NPHP1: variants seen among roughly 807,000 people sequenced by gnomAD.
The protein encoded by NPHP1 is nephrocystin-1.
NPHP1 carries 70 observed loss-of-function variants against 90.4 expected under a neutral mutation model. The observed-to-expected ratio is 0.77, with a 90% confidence interval of 0.64 to 0.95. The LOEUF is 0.95. NPHP1 is among the 40% of genes least tolerant of loss of function. The pLI is 0.00. For missense variants in NPHP1, 764 were observed against 795.9 expected, an observed-to-expected ratio of 0.96 and a Z score of 0.48; for synonymous variants, 256 against 271.7, an observed-to-expected ratio of 0.94 and a Z score of 0.57.
At position 110,123,795 on chromosome 2, in the gene NPHP1, A is replaced by G. The variant is rs1679143250; in HGVS notation, c.2030T>C (p.Val677Ala). The G allele has an allele frequency of 6.2e-7, 1 of 1,613,862 alleles. No homozygotes were observed. The highest frequency in any genetic ancestry group is 1.3e-5 in the African/African-American group (1 of 74,930). ...GAGGGCTAGAGGCTGCCACTGTCAC[A>G]CTGCATTCTTTCTCATTTCACCCAA... ...DFLGEMRKNAV is the reference protein window; with the variant it reads ...DFLGEMRKNAA Residue 677 changes from valine to alanine, a missense_variant, in exon 20 of 20, where the codon GTG (valine) becomes GCG (alanine). Coordinates refer to ENST00000445609, the MANE Select transcript of NPHP1 (RefSeq NM_001128178.3).
chr2:110,133,596 C>T (rs548035658), intron 16 of NPHP1, among the ~76,000 whole-genome samples: 1 of 152,058 alleles, frequency 6.6e-6, no homozygotes, highest in Non-Finnish European at 1.5e-5. Context: ...CTCAAGTGCA[C>T]ATGACATATT....
At chr2:110,170,965 C>T (rs537756975) in intron 4 of NPHP1, among the ~76,000 whole-genome samples, 2 of 151,988 alleles carry the variant, frequency 1.3e-5, no homozygotes, top group Non-Finnish European at 2.9e-5. Context: ...GTGAGCTTTA[C>T]CTTTAAAGTC....
At chr2:110,137,104 GA>G (rs1334936440) in intron 16 of NPHP1, among the ~76,000 whole-genome samples, 1 of 152,068 alleles carries the variant, frequency 6.6e-6, no homozygotes, top group Non-Finnish European at 1.5e-5. Context: ...ATGGTGCTGG[GA>G]AAACTGGCTA....
intron 4 of NPHP1, 66 bp downstream of exon 4, chr2:110,178,357 T>G: frequency 6.7e-7 from 1 of 1,487,972 alleles, no homozygotes. Context: ...GTCTTTGAGT[T>G]AAACATTAAA....
chr2:110,146,856 A>G (rs1322359799), intron 13 of NPHP1, 21 bp from the exon 14 acceptor site: 5 of 1,579,248 alleles, frequency 3.2e-6, no homozygotes, highest in South Asian at 1.1e-5. Flanking sequence ...AGACAAGTAT[A>G]TGAAACTTAA....
intron 11 of NPHP1, among the ~76,000 whole-genome samples, chr2:110,152,933 G>T (rs1681600975): frequency 6.6e-6 from 1 of 151,784 alleles, no homozygotes; most frequent in Non-Finnish European, 1.5e-5. Context: ...CCCCAAATTT[G>T]ACAAAAGACA....
At chr2:110,131,616 A>C in intron 17 of NPHP1, 63 bp downstream of exon 17, 1 of 925,322 alleles carries the variant, frequency 1.1e-6, no homozygotes, top group Non-Finnish European at 1.8e-6. Context: ...AAGATGGTAT[A>C]GGTTACCTTT....
At chr2:110,190,283 G>A (rs1288488259) in intron 2 of NPHP1, among the ~76,000 whole-genome samples, 3 of 152,132 alleles carry the variant, frequency 2.0e-5, no homozygotes, top group Non-Finnish European at 2.9e-5. Flanking sequence ...TGGAGCAGGG[G>A]GTGGCACTTG....
chr2:110,158,184 C>A (rs1682047088), intron 11 of NPHP1, among the ~76,000 whole-genome samples: 1 of 152,022 alleles, frequency 6.6e-6, no homozygotes, highest in Non-Finnish European at 1.5e-5. Context: ...GATTCCAATT[C>A]TTTTCAATTT....
At chr2:110,164,784 AT>A in intron 7 of NPHP1, 54 bp from the exon 8 acceptor site, 1 of 1,406,970 alleles carries the variant, frequency 7.1e-7, no homozygotes, top group Non-Finnish European at 1.0e-6. Flanking sequence ...TATTCACTCA[AT>A]TAGGGAACTT....
At position 110,164,214 on chromosome 2, in the gene NPHP1, T is replaced by A. The variant is rs148424440; in HGVS notation, c.771+474A>T. On this transcript the variant is annotated intron_variant, in intron 8 of 19. Coordinates refer to ENST00000445609, the MANE Select transcript of NPHP1 (RefSeq NM_001128178.3). Reference sequence around the variant, plus strand: ...ACCACACCTGGCTAATTTTTCTTATTTTTTGTAGGATAGGGTCTCACTATG... The same window carrying A: ...ACCACACCTGGCTAATTTTTCTTATATTTTGTAGGATAGGGTCTCACTATG... The A allele has an allele frequency of 1.5e-3, 552 of 356,708 alleles. 3 individuals are homozygous for A. The highest frequency in any genetic ancestry group is 0.014 in the East Asian group (211 of 14,800). The allele number at this position is 356,708 out of a possible 1,614,324, so 22.1% of individuals were successfully genotyped here.
chr2:110,194,580 A>C (rs1279385605), intron 2 of NPHP1, among the ~76,000 whole-genome samples: 13 of 152,136 alleles, frequency 8.5e-5, no homozygotes, highest in Non-Finnish European at 1.3e-4. Flanking sequence ...CCAGAGGTAC[A>C]AGGAGGAGCT....
intron 2 of NPHP1, among the ~76,000 whole-genome samples, chr2:110,201,065 C>A (rs899641818): frequency 2.6e-5 from 4 of 151,892 alleles, no homozygotes; most frequent in African/African-American, 9.7e-5. Flanking sequence ...ACAAAAAACA[C>A]CCACCTAGAA....
chr2:110,138,217 T>C (rs943522144), intron 16 of NPHP1, among the ~76,000 whole-genome samples: 1 of 152,062 alleles, frequency 6.6e-6, no homozygotes, highest in Non-Finnish European at 1.5e-5. Flanking sequence ...ATATACCTAA[T>C]GTTAAATGAT....
chr2:110,147,424 C>T (rs1304928015), intron 13 of NPHP1, among the ~76,000 whole-genome samples: 1 of 152,076 alleles, frequency 6.6e-6, no homozygotes, highest in Non-Finnish European at 1.5e-5. Context: ...ATATACTATA[C>T]CTATCAAGCT....
chr2:110,180,217 A>G (rs1683789815), intron 2 of NPHP1, among the ~76,000 whole-genome samples: 1 of 152,090 alleles, frequency 6.6e-6, no homozygotes, highest in Admixed American at 6.6e-5. Context: ...AGGATTCCAC[A>G]GTTGGCCTAT....
At chr2:110,125,471 C>A in intron 19 of NPHP1, 166 bp downstream of exon 19, 2 of 1,112,462 alleles carry the variant, frequency 1.8e-6, no homozygotes, top group Non-Finnish European at 2.7e-6. Context: ...AACGATCATG[C>A]GTAACCCTCT....
intron 2 of NPHP1, chr2:110,184,748 T>C (rs1684163308): frequency 2.8e-6 from 2 of 716,636 alleles, no homozygotes; most frequent in African/African-American, 1.7e-5. Context: ...CTCCTACCTA[T>C]CCATAAACCC....
At chr2:110,165,972 T>C (rs958669365) in intron 6 of NPHP1, among the ~76,000 whole-genome samples, 2 of 152,158 alleles carry the variant, frequency 1.3e-5, no homozygotes, top group South Asian at 4.1e-4. Context: ...AAAGAAGATA[T>C]ACAAATGGTC....
Sources: gnomAD v4.1 joint callset for allele counts (sites outside exome capture counted in the v4.1 genomes callset) on GRCh38, gnomAD v4.1.1 for gene constraint, MANE v1.5 for transcripts, NCBI Gene and HGNC (gene_info 2026-07-23, HGNC 2026-07-21) for gene names.